Variants in ROCK2 observed in about 807,000 individuals in gnomAD.
The protein encoded by ROCK2 is Rho associated coiled-coil containing protein kinase 2.
Under a neutral mutation model 195.1 loss-of-function variants are expected in ROCK2, and 61 were observed. The observed-to-expected ratio is 0.31, with a 90% confidence interval of 0.25 to 0.39. The LOEUF is 0.39. Ranked by LOEUF, ROCK2 falls within the 10% of genes least tolerant of loss-of-function variation. The pLI is 1.00. For synonymous variants in ROCK2, 504 were observed against 545.5 expected (o/e 0.92, Z 1.06); for missense variants, 1,109 against 1,637.4 (o/e 0.68, Z 5.57).
intron 1 of ROCK2, among the ~76,000 whole-genome samples, chr2:11,301,546 G>T (rs1288201654): frequency 6.6e-6 from 1 of 151,972 alleles, no homozygotes; most frequent in Admixed American, 6.6e-5. Context: ...GGAGGCTGAG[G>T]CAGGCAGATC....
chr2:11,253,096 T>A (rs1665896647), intron 3 of ROCK2, among the ~76,000 whole-genome samples: 1 of 152,048 alleles, frequency 6.6e-6, no homozygotes, highest in African/African-American at 2.4e-5. Flanking sequence ...CAGTATTCCA[T>A]CCAGTTGGTG....
At chr2:11,271,357 T>C (rs10929728) in intron 3 of ROCK2, among the ~76,000 whole-genome samples, 49,161 of 152,052 alleles carry the variant, frequency 0.32, 8,224 homozygotes, top group East Asian at 0.54. Flanking sequence ...AAGTTTTTAA[T>C]TGTCTGACTT....
chr2:11,337,903 A>C (rs1476704421), intron 1 of ROCK2, among the ~76,000 whole-genome samples: 1 of 152,070 alleles, frequency 6.6e-6, no homozygotes, highest in East Asian at 1.9e-4. Context: ...TCAGCCTCCC[A>C]AAGTGCTGAG....
intron 3 of ROCK2, among the ~76,000 whole-genome samples, chr2:11,282,870 CA>C: frequency 6.6e-6 from 1 of 151,640 alleles, no homozygotes; most frequent in Non-Finnish European, 1.5e-5. Flanking sequence ...GTCTATTATC[CA>C]AAAGAATTTG....
At chr2:11,239,954 A>G (rs1344456180) in intron 4 of ROCK2, among the ~76,000 whole-genome samples, 1 of 152,212 alleles carries the variant, frequency 6.6e-6, no homozygotes, top group Non-Finnish European at 1.5e-5. Flanking sequence ...ATTATAAAGG[A>G]TGCACACAGG....
At chr2:11,196,213 A>G (rs1422448611) in intron 27 of ROCK2, among the ~76,000 whole-genome samples, 1 of 152,196 alleles carries the variant, frequency 6.6e-6, no homozygotes, top group Non-Finnish European at 1.5e-5. Context: ...TGCTGTTTTC[A>G]TTTAAACTGT....
intron 1 of ROCK2, among the ~76,000 whole-genome samples, chr2:11,297,302 G>A (rs1667566584): frequency 4.6e-5 from 7 of 152,000 alleles, no homozygotes; most frequent in Admixed American, 4.6e-4. Context: ...ATCATACCAT[G>A]ATGAAATTAT....
intron 3 of ROCK2, among the ~76,000 whole-genome samples, chr2:11,277,099 T>C (rs1043067783): frequency 3.9e-5 from 6 of 152,212 alleles, no homozygotes; most frequent in African/African-American, 1.2e-4. Context: ...CAGGAATGCA[T>C]TAGTGTGGTA....
chr2:11,215,521 A>T lies in ROCK2; in HGVS notation c.1586T>A (p.Leu529Ter). 6.2e-7 allele frequency: 1 copy of T among 1,611,222 alleles called. No individual in the cohort carries two copies. The highest frequency in any genetic ancestry group is 1.1e-5 in the South Asian group (1 of 90,126). ...ADHEADKKRN[L>*]ENDVNSLKDQ... ...TCTACACCACAAACCATCATTTTCCAAATTTCGTTTTTTGTCTGCTTCATG... is the reference window on the plus strand; with the variant it reads ...TCTACACCACAAACCATCATTTTCCTAATTTCGTTTTTTGTCTGCTTCATG... Residue 529 changes from leucine to a stop codon, truncating the protein, a stop_gained, in exon 14 of 33, where the codon TTG (leucine) becomes TAG (stop). Transcript: ENST00000315872. LOFTEE classifies it high-confidence loss of function.
chr2:11,327,363 G>A (rs1206736707), intron 1 of ROCK2, among the ~76,000 whole-genome samples: 2 of 152,182 alleles, frequency 1.3e-5, no homozygotes, highest in Non-Finnish European at 2.9e-5. Context: ...GTAATGGTGA[G>A]GTCCAGAGTA....
chr2:11,330,467 C>A (rs1276825019), intron 1 of ROCK2, among the ~76,000 whole-genome samples: 2 of 152,030 alleles, frequency 1.3e-5, no homozygotes, highest in Non-Finnish European at 2.9e-5. Context: ...ATTTAATATA[C>A]AAAATACTTT....
At chr2:11,252,145 T>C (rs1194969000) in intron 3 of ROCK2, among the ~76,000 whole-genome samples, 1 of 152,076 alleles carries the variant, frequency 6.6e-6, no homozygotes, top group East Asian at 1.9e-4. Context: ...GCATGGTGGC[T>C]CACGCCTGTA....
intron 5 of ROCK2, among the ~76,000 whole-genome samples, chr2:11,228,774 G>T: frequency 6.6e-6 from 1 of 151,778 alleles, no homozygotes; most frequent in Non-Finnish European, 1.5e-5. Context: ...CACACACACA[G>T]ACAGACACAA....
intron 32 of ROCK2, among the ~76,000 whole-genome samples, chr2:11,186,410 C>T (rs577899158): frequency 9.0e-4 from 137 of 152,306 alleles, no homozygotes; most frequent in Middle Eastern, 3.4e-3. Context: ...TAAGTCTAAT[C>T]GCTAGATGCG....
chr2:11,297,779 G>A (rs928066836), intron 1 of ROCK2, among the ~76,000 whole-genome samples: 2 of 152,064 alleles, frequency 1.3e-5, no homozygotes, highest in Non-Finnish European at 2.9e-5. Context: ...GCCATGTGGA[G>A]GACACAGAGC....
intron 23 of ROCK2, among the ~76,000 whole-genome samples, chr2:11,200,328 G>A (rs903749086): frequency 1.3e-5 from 2 of 152,106 alleles, no homozygotes; most frequent in Non-Finnish European, 2.9e-5. Flanking sequence ...CCTTAAGATA[G>A]CTAGAATTTA....
In ROCK2 at chr2:11,200,910, AT is replaced by A. The variant is rs748655260; in HGVS notation, c.2910+46del. The A allele has an allele frequency of 1.7e-5, 26 of 1,499,458 alleles. No individual in the cohort carries two copies. In the South Asian group the frequency reaches 3.3e-4, roughly 19 times the overall value. 92.9% of individuals were successfully genotyped at this position (1,499,458 alleles called of 1,614,324 possible). A position where few individuals can be genotyped will look rare whatever the true frequency, so the allele number is the denominator to read the frequency against. On this transcript the variant is annotated intron_variant, in intron 23 of 32. Transcript: ENST00000315872. ...AGTATGTCTAAAGAAGGTTTAAGAT[AT>A]AGCAATTTAACTATAATCCAAAAAA... is the stretch of plus-strand genomic sequence containing the variant.
intron 1 of ROCK2, among the ~76,000 whole-genome samples, chr2:11,332,945 T>C (rs1279716367): frequency 6.6e-6 from 1 of 152,194 alleles, no homozygotes; most frequent in Non-Finnish European, 1.5e-5. Flanking sequence ...ATTCCACTTA[T>C]ATGGAATTTA....
At chr2:11,344,713 G>C (rs1242518679), upstream of ROCK2, 1 of 147,918 alleles carries the variant, frequency 6.8e-6, no homozygotes, top group Non-Finnish European at 1.5e-5. This position sits in a 1 kb window ranked among gnomAD's most constrained non-coding sequence, Gnocchi z 5.4. Flanking sequence ...CCCTGCGCGC[G>C]CTCCGCCCCG....
Sources: gnomAD v4.1 joint callset for allele counts (sites outside exome capture counted in the v4.1 genomes callset) on GRCh38, gnomAD v4.1.1 for gene constraint, Gnocchi (gnomAD v3.1) non-coding constraint, MANE v1.5 for transcripts, NCBI Gene and HGNC (gene_info 2026-07-23, HGNC 2026-07-21) for gene names.